ADAMTS18: variants seen among roughly 807,000 people sequenced by gnomAD.
ADAMTS18 encodes ADAM metallopeptidase with thrombospondin type 1 motif 18.
A neutral mutation model predicts 165.9 loss-of-function variants in ADAMTS18; 157 were observed. The observed-to-expected ratio is 0.95, with a 90% CI of 0.83 to 1.08. ADAMTS18 has a LOEUF of 1.08. Ranked by LOEUF, ADAMTS18 falls within the 50% of genes least tolerant of loss-of-function variation. ADAMTS18 has a pLI of 0.00. For missense variants in ADAMTS18, 2,040 were observed against 1,534.0 expected (o/e 1.33, Z -5.51); for synonymous variants, 782 against 578.2 (o/e 1.35, Z -5.06).
intron 3 of ADAMTS18, among the ~76,000 whole-genome samples, chr16:77,418,587 C>G (rs1035937030): frequency 5.9e-5 from 9 of 152,200 alleles, no homozygotes; most frequent in African/African-American, 1.7e-4. Context: ...ATTATCCATT[C>G]TAACACATCA....
chr16:77,341,138 T>C (rs2056391393), intron 11 of ADAMTS18, among the ~76,000 whole-genome samples: 1 of 152,038 alleles, frequency 6.6e-6, no homozygotes, highest in African/African-American at 2.4e-5. Flanking sequence ...AATATTGAGA[T>C]CTCCTATAAT....
intron 18 of ADAMTS18, 151 bp from the exon 19 acceptor site, chr16:77,295,278 C>T (rs1421056477): frequency 2.1e-5 from 17 of 804,958 alleles, no homozygotes; most frequent in South Asian, 3.0e-5. Flanking sequence ...TTGAGGGATC[C>T]AGAGGCTTAT....
At chr16:77,343,640 A>G (rs2144692217) in intron 10 of ADAMTS18, among the ~76,000 whole-genome samples, 1 of 152,352 alleles carries the variant, frequency 6.6e-6, no homozygotes, top group South Asian at 2.1e-4. Flanking sequence ...TTCTGAGTCT[A>G]GTAACAACCA....
chr16:77,404,445 CTA>C (rs1175614397), intron 3 of ADAMTS18, among the ~76,000 whole-genome samples: 2 of 152,014 alleles, frequency 1.3e-5, no homozygotes, highest in East Asian at 3.9e-4. Flanking sequence ...AAGTTCTTCT[CTA>C]TAAGTCTGCA....
chr16:77,297,483 G>C (rs1485155071), intron 17 of ADAMTS18, 68 bp from the exon 18 acceptor site: 8 of 1,471,356 alleles, frequency 5.4e-6, no homozygotes, highest in Non-Finnish European at 6.6e-6. Flanking sequence ...TCTAAGTTTA[G>C]CTTCTGATTT....
At chr16:77,286,661 T>C (rs4888617) in intron 22 of ADAMTS18, among the ~76,000 whole-genome samples, 141,121 of 152,134 alleles carry the variant, frequency 0.93, 66,153 homozygotes, top group Non-Finnish European at 0.99. Context: ...CTCCTTCCAC[T>C]GTACAATGCT....
intron 12 of ADAMTS18, among the ~76,000 whole-genome samples, 186 bp from the exon 13 acceptor site, chr16:77,326,224 G>C (rs2056093757): frequency 6.6e-6 from 1 of 152,094 alleles, no homozygotes. Flanking sequence ...ATCTAGGCTA[G>C]ACATAACTAA....
intron 16 of ADAMTS18, among the ~76,000 whole-genome samples, chr16:77,319,101 T>C (rs8062119): frequency 0.092 from 14,017 of 152,134 alleles, 2,149 homozygotes; most frequent in African/African-American, 0.32. Flanking sequence ...AGCTACAAAC[T>C]ACAAAATCAT....
At chr16:77,297,195 T>C (rs1350205040) in intron 18 of ADAMTS18, 94 bp downstream of exon 18, 1 of 1,521,040 alleles carries the variant, frequency 6.6e-7, no homozygotes, top group East Asian at 2.3e-5. Flanking sequence ...CACTTTCCAT[T>C]AGCAGTATTC....
chr16:77,375,878 T>G (rs1384084241), intron 3 of ADAMTS18, among the ~76,000 whole-genome samples: 2 of 147,552 alleles, frequency 1.4e-5, no homozygotes, highest in Non-Finnish European at 3.0e-5. Context: ...TATGTCGTTT[T>G]TTCTTTCTTT....
At chr16:77,392,763 G>A (rs1337796058) in intron 3 of ADAMTS18, among the ~76,000 whole-genome samples, 2 of 152,102 alleles carry the variant, frequency 1.3e-5, no homozygotes, top group Non-Finnish European at 2.9e-5. Context: ...ATCCTAGATG[G>A]CAGATCTCTG....
chr16:77,400,346 T>C (rs1431528715), intron 3 of ADAMTS18, among the ~76,000 whole-genome samples: 2 of 151,690 alleles, frequency 1.3e-5, no homozygotes, highest in African/African-American at 4.9e-5. Context: ...CCTTTGGGGA[T>C]GGAGTGAGTT....
intron 18 of ADAMTS18, among the ~76,000 whole-genome samples, chr16:77,295,511 G>C (rs16945470): frequency 0.12 from 18,261 of 152,166 alleles, 1,206 homozygotes; most frequent in East Asian, 0.2. Context: ...CTATAACACA[G>C]TAAAGAGGTG....
At chr16:77,315,529 A>T (rs1333068039) in intron 16 of ADAMTS18, among the ~76,000 whole-genome samples, 1 of 152,192 alleles carries the variant, frequency 6.6e-6, no homozygotes, top group African/African-American at 2.4e-5. Context: ...AAAATACATG[A>T]CAAGATGCCA....
chr16:77,417,365 G>A (rs1342319922), intron 3 of ADAMTS18, among the ~76,000 whole-genome samples: 1 of 152,098 alleles, frequency 6.6e-6, no homozygotes, highest in Non-Finnish European at 1.5e-5. Flanking sequence ...CAAGTTGTTA[G>A]TTACTGGCAG....
intron 10 of ADAMTS18, among the ~76,000 whole-genome samples, chr16:77,349,692 C>A (rs1450705988): frequency 1.3e-5 from 2 of 152,156 alleles, no homozygotes; most frequent in Non-Finnish European, 2.9e-5. Context: ...AAGGCATAGA[C>A]CTGTCTCCCG....
At chr16:77,426,027 C>T (rs996637289) in intron 3 of ADAMTS18, among the ~76,000 whole-genome samples, 4 of 151,754 alleles carry the variant, frequency 2.6e-5, no homozygotes, top group East Asian at 1.9e-4. Flanking sequence ...GGCAACACAG[C>T]GAGACTCCAC....
intron 17 of ADAMTS18, among the ~76,000 whole-genome samples, chr16:77,298,644 G>A (rs997598125): frequency 6.6e-5 from 10 of 152,010 alleles, no homozygotes; most frequent in African/African-American, 2.4e-4. Context: ...AGAAAAAAAC[G>A]GGCCAGGCAT....
chr16:77,430,812 T>A (rs1485033744), intron 3 of ADAMTS18, among the ~76,000 whole-genome samples: 1 of 152,182 alleles, frequency 6.6e-6, no homozygotes, highest in Non-Finnish European at 1.5e-5. Context: ...ATGTCTTATG[T>A]GAGCAGGACA....
Sources: gnomAD v4.1 joint callset for allele counts (sites outside exome capture counted in the v4.1 genomes callset) on GRCh38, gnomAD v4.1.1 for gene constraint, MANE v1.5 for transcripts, NCBI Gene and HGNC (gene_info 2026-07-23, HGNC 2026-07-21) for gene names.